The following RORA variants were observed in gnomAD, a reference collection of about 807,000 sequenced individuals.
RORA encodes the protein RAR related orphan receptor A.
Under a neutral mutation model 69.5 loss-of-function variants are expected in RORA, and 7 were observed. The ratio of observed to expected loss-of-function variants is 0.10; its 90% CI spans 0.06 to 0.19. RORA has a LOEUF of 0.19. Among genes scored for constraint, RORA ranks in the 10% least tolerant of loss-of-function variants. The pLI, the probability that RORA is intolerant of heterozygous loss-of-function variation, is 1.00. For missense variants in RORA, 457 were observed against 663.0 expected, an observed-to-expected ratio of 0.69 and a Z score of 3.41; for synonymous variants, 261 against 240.8, an observed-to-expected ratio of 1.08 and a Z score of -0.78.
chr15:60,760,925 A>T (rs908011736), intron 1 of RORA, among the ~76,000 whole-genome samples: 1 of 142,136 alleles, frequency 7.0e-6, no homozygotes, highest in Non-Finnish European at 1.5e-5. Flanking sequence ...GTCATATGAG[A>T]TTGTTGCTTT....
intron 3 of RORA, among the ~76,000 whole-genome samples, chr15:60,525,467 T>C (rs1420476075): frequency 1.3e-5 from 2 of 152,248 alleles, no homozygotes; most frequent in Non-Finnish European, 2.9e-5. Flanking sequence ...CTACAGTTCA[T>C]TAACATACCC....
chr15:60,662,714 ATTAG>A (rs2070322503), intron 2 of RORA, among the ~76,000 whole-genome samples: 1 of 152,040 alleles, frequency 6.6e-6, no homozygotes, highest in Non-Finnish European at 1.5e-5. Context: ...CATATATTTT[ATTAG>A]TTTAAATCCT....
intron 1 of RORA, among the ~76,000 whole-genome samples, chr15:60,714,310 C>T (rs377136414): frequency 5.3e-5 from 8 of 152,038 alleles, no homozygotes; most frequent in Non-Finnish European, 1.0e-4. Context: ...CCACTGGTCT[C>T]GGCCTCCCAA....
chr15:60,630,066 C>T (rs754435300), intron 2 of RORA, among the ~76,000 whole-genome samples: 25 of 152,168 alleles, frequency 1.6e-4, no homozygotes, highest in Non-Finnish European at 3.2e-4. Context: ...AATGGACAGC[C>T]ATCACATGAG....
intron 2 of RORA, among the ~76,000 whole-genome samples, chr15:60,539,859 T>C (rs1441295068): frequency 6.6e-6 from 1 of 152,178 alleles, no homozygotes; most frequent in East Asian, 1.9e-4. Flanking sequence ...TGGTTCTCAG[T>C]TGGCGTAAGG....
chr15:60,813,519 G>A (rs946919231), intron 1 of RORA, among the ~76,000 whole-genome samples: 1 of 152,144 alleles, frequency 6.6e-6, no homozygotes. Flanking sequence ...GTGCTGAATG[G>A]GGTCTGGAAT....
At chr15:60,952,620 A>C (rs904284683) in intron 1 of RORA, among the ~76,000 whole-genome samples, 17 of 152,200 alleles carry the variant, frequency 1.1e-4, no homozygotes, top group African/African-American at 3.9e-4. Flanking sequence ...ACTGTACAAA[A>C]ATCAGAAGCA....
chr15:61,026,050 G>A (rs1055599647), intron 1 of RORA, among the ~76,000 whole-genome samples: 2 of 152,080 alleles, frequency 1.3e-5, no homozygotes, highest in African/African-American at 4.8e-5. Context: ...ACATTAAAGT[G>A]GAATATGAAT....
At chr15:60,554,791 G>T (rs2067313645) in intron 2 of RORA, among the ~76,000 whole-genome samples, 2 of 152,062 alleles carry the variant, frequency 1.3e-5, no homozygotes, top group African/African-American at 2.4e-5. Flanking sequence ...AAGAAGGACT[G>T]CCATTTAGCA....
At chr15:60,901,962 G>A (rs1891404019) in intron 1 of RORA, among the ~76,000 whole-genome samples, 1 of 152,068 alleles carries the variant, frequency 6.6e-6, no homozygotes, top group Admixed American at 6.5e-5. Context: ...ATATTTCCTG[G>A]CACCCCTTTG....
intron 1 of RORA, among the ~76,000 whole-genome samples, chr15:61,002,448 C>G (rs1003623096): frequency 6.6e-6 from 1 of 152,140 alleles, no homozygotes; most frequent in African/African-American, 2.4e-5. Flanking sequence ...TATATTAACT[C>G]GATTCAATAG....
intron 1 of RORA, among the ~76,000 whole-genome samples, chr15:60,949,492 C>T (rs185722139): frequency 3.9e-5 from 6 of 152,194 alleles, no homozygotes; most frequent in East Asian, 1.9e-4. Context: ...GCCCTGGACC[C>T]GAGCAGCAGA....
At chr15:61,141,317 A>T (rs991219200) in intron 1 of RORA, among the ~76,000 whole-genome samples, 4 of 152,184 alleles carry the variant, frequency 2.6e-5, no homozygotes, top group African/African-American at 9.7e-5. Context: ...TAGAATTTGG[A>T]ATGAAGTATT....
intron 1 of RORA, among the ~76,000 whole-genome samples, chr15:61,110,126 T>C (rs1354377475): frequency 2.0e-5 from 3 of 152,146 alleles, no homozygotes; most frequent in Non-Finnish European, 2.9e-5. Context: ...TGGCCAGGCA[T>C]GGTGGCTCAC....
intron 1 of RORA, among the ~76,000 whole-genome samples, chr15:61,084,972 C>T (rs1210480322): frequency 6.6e-6 from 1 of 152,128 alleles, no homozygotes; most frequent in Non-Finnish European, 1.5e-5. Flanking sequence ...AATCCTCAAC[C>T]ATAATTCCCA....
At chr15:60,977,560 T>A (rs1893911881) in intron 1 of RORA, among the ~76,000 whole-genome samples, 1 of 152,188 alleles carries the variant, frequency 6.6e-6, no homozygotes, top group African/African-American at 2.4e-5. Flanking sequence ...CAAGACTATC[T>A]AATTCCAGAA....
intron 1 of RORA, among the ~76,000 whole-genome samples, chr15:60,932,323 T>C (rs924492257): frequency 7.2e-5 from 11 of 152,110 alleles, no homozygotes; most frequent in African/African-American, 2.7e-4. Context: ...TCAGCCACGA[T>C]TAGGGCTGGG....
Position 60,932,356 on chromosome 15 carries a change from G to A in RORA, c.167-253670C>T, listed in dbSNP as rs117085302. Among the ~76,000 whole-genome samples, 263 of 152,236 alleles carry A rather than the reference G, an allele frequency of 1.7e-3. 6 individuals are homozygous for A. The East Asian group carries it at 0.044, about 26-fold the overall frequency. ...GGGTCATTCTGGACCGTCCTAAAGA[G>A]AAACCATTAAAAACCATTAATTCCT... is the stretch of plus-strand genomic sequence containing the variant. On this transcript the variant is annotated intron_variant, in intron 1 of 10. Coordinates refer to ENST00000335670, the MANE Select transcript of RORA (RefSeq NM_134261.3).
chr15:60,856,490 C>T (rs376519643), intron 1 of RORA, among the ~76,000 whole-genome samples: 1 of 148,680 alleles, frequency 6.7e-6, no homozygotes, highest in African/African-American at 2.5e-5. Context: ...AATCACTGAC[C>T]TTTTTTTTTT....
Sources: gnomAD v4.1 joint callset for allele counts (sites outside exome capture counted in the v4.1 genomes callset) on GRCh38, gnomAD v4.1.1 for gene constraint, MANE v1.5 for transcripts, NCBI Gene and HGNC (gene_info 2026-07-23, HGNC 2026-07-21) for gene names.